The following NFE2L1 variants were observed in gnomAD, a reference collection of about 807,000 sequenced individuals.
The protein encoded by NFE2L1 is NFE2 like bZIP transcription factor 1, also known as endoplasmic reticulum membrane sensor NFE2L1.
NFE2L1 carries 18 observed loss-of-function variants against 61.6 expected under a neutral mutation model. That is an observed-to-expected ratio of 0.29 (90% confidence interval 0.20 to 0.43). The LOEUF (loss-of-function observed/expected upper bound fraction) is 0.43. NFE2L1 is among the 20% of genes least tolerant of loss of function. NFE2L1 has a pLI of 1.00. For synonymous variants in NFE2L1, 419 were observed against 402.7 expected, an observed-to-expected ratio of 1.04 and a Z score of -0.48; for missense variants, 827 against 973.5, an observed-to-expected ratio of 0.85 and a Z score of 2.00.
chr17:48,054,860 G>A (rs1384133431), intron 2 of NFE2L1: 1 of 1,350,706 alleles, frequency 7.4e-7, no homozygotes, highest in Non-Finnish European at 9.5e-7. Flanking sequence ...TGGCTGGGCC[G>A]CCCAGGCAGC....
chr17:48,055,103 C>T lies in NFE2L1; in HGVS notation c.511-1283C>T, dbSNP rs1012157140. 2.1e-6 allele frequency: 3 copies of T among 1,443,760 alleles called. No homozygotes were observed. In the East Asian group the frequency reaches 8.5e-5, roughly 41 times the overall value. The allele number at this position is 1,443,760 out of a possible 1,614,324, so 89.4% of individuals were successfully genotyped here. ...CCTTAACTCTTTGCTGGCTGGTCAC[C>T]GGGTGGCCCAGCCCGCCTCTGCTCC... is the stretch of plus-strand genomic sequence containing the variant. On this transcript the variant is annotated intron_variant, in intron 2 of 5. Transcript: ENST00000362042.
In NFE2L1 at chr17:48,058,373, C is replaced by T; in HGVS notation, c.1051C>T (p.Leu351Phe). The T allele has an allele frequency of 6.2e-7, 1 of 1,614,132 alleles. No individual in the cohort carries two copies. Among genetic ancestry groups the T allele is most frequent in the Non-Finnish European group, 8.5e-7 (1 of 1,180,024 alleles). ...PGDPLSTNYS[L>F]APNTPINQNV... ...AGACCCACTGAGCACCAACTACAGC[C>T]TTGCCCCCAACACTCCCATCAATCA... The change falls in exon 6 of 6, where the codon CTT becomes TTT. Residue 351 changes from leucine (L) to phenylalanine (F), a missense_variant. Transcript: ENST00000362042.
In NFE2L1 at chr17:48,058,771, G is replaced by C. The variant is rs2229369; in HGVS notation, c.1449G>C (p.Ser483=). 0.099 allele frequency: 159,574 copies of C among 1,614,072 alleles called. 8,621 individuals are homozygous for C. The highest frequency in any genetic ancestry group is 0.19 in the East Asian group (8,347 of 44,870). The change falls in exon 6 of 6, where the codon TCG becomes TCC. Residue 483 remains serine, a synonymous_variant. Coordinates refer to ENST00000362042, the MANE Select transcript of NFE2L1 (RefSeq NM_003204.3). ...CTGACTCAGGCCTTTCCTTAGACTCGAGCCATAGCCCTTCTTCCCTAAGCA... is the reference window on the plus strand; with the variant it reads ...CTGACTCAGGCCTTTCCTTAGACTCCAGCCATAGCCCTTCTTCCCTAAGCA... ...FDSDSGLSLD[S]SHSPSSLSSS...
intron 2 of NFE2L1, chr17:48,055,136 A>G (rs548539133): frequency 1.5e-5 from 21 of 1,405,354 alleles, no homozygotes; most frequent in Admixed American, 3.0e-5. Flanking sequence ...TCCTGGGTCC[A>G]GGGCTTCTGT....
rs2037520066 is a variant in NFE2L1 at position 48,060,179 on chromosome 17, C to CCG, written c.*538_*539insCG. 1.5e-5 allele frequency: 1 copy of CCG among 65,830 alleles called. No homozygotes were observed. Among genetic ancestry groups the CCG allele is most frequent in the Non-Finnish European group, 3.0e-5 (1 of 32,926 alleles). The allele number at this position is 65,830 out of a possible 1,614,324, so 4.1% of individuals were successfully genotyped here. ...GTGTGATAAACCCCAATTTTCACCC[C>CCG]GGGGGGGGTGGGGTACACAGACACA... On this transcript the variant is annotated 3_prime_UTR_variant, in exon 6 of 6. Transcript: ENST00000362042.
intron 1 of NFE2L1, among the ~76,000 whole-genome samples, chr17:48,050,178 C>T (rs896926807): frequency 6.6e-6 from 1 of 152,120 alleles, no homozygotes; most frequent in South Asian, 2.1e-4. Flanking sequence ...GTCCTTTCTT[C>T]CTGTAAAAGT....
chr17:48,051,763 A>G (rs1341874001), intron 2 of NFE2L1, 135 bp downstream of exon 2: 1 of 1,127,480 alleles, frequency 8.9e-7, no homozygotes, highest in Non-Finnish European at 1.2e-6. Context: ...GTTCTTGGGT[A>G]GGGATGGGCT....
chr17:48,050,847 G>A lies in NFE2L1; in HGVS notation c.-272G>A. 1.7e-6 allele frequency: 1 copy of A among 598,822 alleles called. No homozygotes were observed. Among genetic ancestry groups the A allele is most frequent in the Non-Finnish European group, 3.0e-6 (1 of 337,184 alleles). 37.1% of individuals were successfully genotyped at this position (598,822 alleles called of 1,614,324 possible). A position where few individuals can be genotyped will look rare whatever the true frequency, so the allele number is the denominator to read the frequency against. Reference sequence around the variant, plus strand: ...AAGTCACGTGGGCCCTTGAGGACCTGGACTGGGTTAGGAACAGTTGTACTT... The same window carrying A: ...AAGTCACGTGGGCCCTTGAGGACCTAGACTGGGTTAGGAACAGTTGTACTT... On this transcript the variant is annotated 5_prime_UTR_variant, in exon 2 of 6. Transcript: ENST00000362042.
chr17:48,049,539 T>A (rs1357328637), intron 1 of NFE2L1, among the ~76,000 whole-genome samples: 1 of 152,152 alleles, frequency 6.6e-6, no homozygotes, highest in African/African-American at 2.4e-5. Context: ...ATTACAGGCA[T>A]GCGCCACCAC....
In NFE2L1 at chr17:48,060,845, CCT is replaced by C. The variant is rs1385727866; in HGVS notation, c.*1205_*1206del. On this transcript the variant is annotated 3_prime_UTR_variant, in exon 6 of 6. Coordinates refer to ENST00000362042, the MANE Select transcript of NFE2L1 (RefSeq NM_003204.3). ...GCTTTGATTTTTTTAGGGCTTGTGC[CCT>C]GTTTCACTTATAGGGTCTAGAATGC... 4 of 152,728 alleles carry C rather than the reference CCT, an allele frequency of 2.6e-5. No homozygotes were observed. The highest frequency in any genetic ancestry group is 1.9e-4 in the East Asian group (1 of 5,192). 9.5% of individuals were successfully genotyped at this position (152,728 alleles called of 1,614,324 possible).
Position 48,051,362 on chromosome 17 carries a change from C to T in NFE2L1, c.244C>T (p.Arg82Trp), listed in dbSNP as rs748372833. 7.4e-6 allele frequency: 12 copies of T among 1,614,036 alleles called. No homozygotes were observed. The highest frequency in any genetic ancestry group is 1.6e-4 in the Middle Eastern group (1 of 6,084). The change falls in exon 2 of 6, where the codon CGG (arginine) becomes TGG (tryptophan). Residue 82 changes from arginine to tryptophan, a missense_variant. Arg to Trp is a moderately radical substitution (Grantham distance 101). Around this residue, in one of 3 missense-constraint regions of NFE2L1, gnomAD observed 667 missense variants for 748.4 expected, o/e 0.89. Coordinates refer to ENST00000362042, the MANE Select transcript of NFE2L1 (RefSeq NM_003204.3). ...CCTGGACAATTACTTCACTGCCCGG[C>T]GGCTCCTCAGTCAGGTGAGGGCCCT... ...IDLDNYFTARRLLSQVRALDR... is the reference protein window; with the variant it reads ...IDLDNYFTARWLLSQVRALDR...
Position 48,050,787 on chromosome 17 carries a change from T to G in NFE2L1, c.-332T>G, listed in dbSNP as rs1384789358. On this transcript the variant is annotated 5_prime_UTR_variant, in exon 2 of 6. Transcript: ENST00000362042. ...CTACAGAGAGGACAACTAATGTGAGTGAGGAAGTGACTGTATGTGGACTGT... is the reference window on the plus strand; with the variant it reads ...CTACAGAGAGGACAACTAATGTGAGGGAGGAAGTGACTGTATGTGGACTGT... 1.1e-5 allele frequency: 6 copies of G among 544,104 alleles called. No individual in the cohort carries two copies. Among genetic ancestry groups the G allele is most frequent in the African/African-American group, 1.9e-5 (1 of 53,074 alleles). 33.7% of individuals were successfully genotyped at this position (544,104 alleles called of 1,614,324 possible).
intron 2 of NFE2L1, 117 bp downstream of exon 2, chr17:48,051,745 C>A (rs2037257838): frequency 1.5e-6 from 2 of 1,295,254 alleles, no homozygotes; most frequent in African/African-American, 3.0e-5. Context: ...AGCAGGGCCT[C>A]AGGCACTGTT....
intron 2 of NFE2L1, among the ~76,000 whole-genome samples, chr17:48,054,034 C>T (rs941409648): frequency 6.6e-6 from 1 of 152,138 alleles, no homozygotes; most frequent in African/African-American, 2.4e-5. Context: ...AAACTTACGG[C>T]TTATGGTGGG....
chr17:48,055,922 C>T (rs1598287901), intron 2 of NFE2L1: 1 of 165,594 alleles, frequency 6.0e-6, no homozygotes, highest in East Asian at 1.7e-4. Flanking sequence ...TGAAATGGTA[C>T]CACAGGCTGA....
At chr17:48,056,635 C>T (rs2037408463) in intron 3 of NFE2L1, 37 bp downstream of exon 3, 2 of 1,602,366 alleles carry the variant, frequency 1.2e-6, no homozygotes, top group Non-Finnish European at 1.7e-6. Flanking sequence ...CTCTTCTTGT[C>T]CCTACTACCC....
chr17:48,052,434 A>G (rs532629348), intron 2 of NFE2L1, among the ~76,000 whole-genome samples: 16 of 152,226 alleles, frequency 1.1e-4, no homozygotes, highest in Admixed American at 9.8e-4. Context: ...ATCCAGCCTT[A>G]AGTAGCCGGG....
Position 48,056,415 on chromosome 17 carries a change from A to G in NFE2L1, c.540A>G (p.Arg180=), listed in dbSNP as rs776113240. The change falls in exon 3 of 6, where the codon CGA becomes CGG. Residue 180 remains arginine, a synonymous_variant. Coordinates refer to ENST00000362042, the MANE Select transcript of NFE2L1 (RefSeq NM_003204.3). ...TAGATCTGATTGACATCCTTTGGCG[A>G]CAGGATATTGATCTGGGGGCTGGGC... ...EDIDLIDILW[R]QDIDLGAGRE... is the part of the protein sequence containing the mutation. 3.1e-6 allele frequency: 5 copies of G among 1,614,074 alleles called. No homozygotes were observed. Among genetic ancestry groups the G allele is most frequent in the Non-Finnish European group, 4.2e-6 (5 of 1,180,040 alleles).
chr17:48,051,850 T>G (rs2037260650), intron 2 of NFE2L1, among the ~76,000 whole-genome samples: 1 of 152,100 alleles, frequency 6.6e-6, no homozygotes, highest in African/African-American at 2.4e-5. Flanking sequence ...AAATGTACTG[T>G]CAGGGCAGTG....
Sources: gnomAD v4.1 joint callset for allele counts (sites outside exome capture counted in the v4.1 genomes callset) on GRCh38, gnomAD v4.1.1 for gene constraint, gnomAD v4.1.1 regional missense constraint, MANE v1.5 for transcripts, NCBI Gene and HGNC (gene_info 2026-07-23, HGNC 2026-07-21) for gene names.